The following DOCK9 variants were observed in gnomAD, a reference collection of about 807,000 sequenced individuals.
DOCK9 encodes dedicator of cytokinesis 9, also known as dedicator of cytokinesis protein 9.
In DOCK9, 89 loss-of-function variants were observed where a neutral mutation model predicts 263.3. The ratio of observed to expected loss-of-function variants is 0.34; its 90% confidence interval spans 0.28 to 0.40. The LOEUF (loss-of-function observed/expected upper bound fraction) is 0.40, where lower values mean the gene tolerates loss of function less well. Ranked by LOEUF, DOCK9 falls within the 10% of genes least tolerant of loss-of-function variation. The pLI is 1.00. For missense variants in DOCK9, 2,140 were observed against 2,603.4 expected (o/e 0.82, Z 3.87); for synonymous variants, 976 against 973.1 (o/e 1.00, Z -0.06).
At chr13:98,871,430 T>C (rs1005118452) in intron 27 of DOCK9, among the ~76,000 whole-genome samples, 7 of 152,270 alleles carry the variant, frequency 4.6e-5, no homozygotes, top group East Asian at 1.9e-4. Flanking sequence ...TGACAACTCA[T>C]GCCTGTGAAG....
chr13:98,864,852 T>G (rs2093975501), intron 30 of DOCK9, among the ~76,000 whole-genome samples: 1 of 152,112 alleles, frequency 6.6e-6, no homozygotes, highest in African/African-American at 2.4e-5. Context: ...GAGTGAGTTC[T>G]CGCTTTGAGT....
chr13:98,904,691 CTGCTTCTCT>C lies in DOCK9; in HGVS notation c.967_975del (p.Arg323_Ala325del), dbSNP rs1350709421. ...CTGCTTTCACTTTTCAGTTTGATTT[CTGCTTCTCT>C]TGCACTCTGATAACAAGATACATGA... On this transcript the variant is annotated inframe_deletion, in exon 10 of 53. Transcript: ENST00000682017. 6.4e-7 allele frequency: 1 copy of C among 1,555,504 alleles called. No individual in the cohort carries two copies. Among genetic ancestry groups the C allele is most frequent in the East Asian group, 2.4e-5 (1 of 41,880 alleles).
intron 1 of DOCK9, among the ~76,000 whole-genome samples, chr13:99,014,460 G>A (rs1446626813): frequency 1.3e-5 from 2 of 152,172 alleles, no homozygotes; most frequent in African/African-American, 4.8e-5. Flanking sequence ...CATATTGCGA[G>A]TGCTAACATA....
intron 1 of DOCK9, among the ~76,000 whole-genome samples, chr13:98,955,855 G>A (rs2057995866): frequency 6.6e-6 from 1 of 152,170 alleles, no homozygotes; most frequent in Non-Finnish European, 1.5e-5. Flanking sequence ...CAAGCTTTAG[G>A]GTGTGCCAGA....
intron 43 of DOCK9, among the ~76,000 whole-genome samples, chr13:98,827,826 G>A (rs1337490554): frequency 6.6e-6 from 1 of 152,200 alleles, no homozygotes; most frequent in Non-Finnish European, 1.5e-5. Flanking sequence ...AACCAGACAC[G>A]GCAAGGGCAA....
intron 2 of DOCK9, among the ~76,000 whole-genome samples, chr13:98,947,889 A>C (rs1306888314): frequency 6.6e-6 from 1 of 152,220 alleles, no homozygotes; most frequent in African/African-American, 2.4e-5. Flanking sequence ...TGTTCACAGA[A>C]AGTTACACTG....
Position 98,958,530 on chromosome 13 carries a change from C to G in DOCK9, c.127-2979G>C, listed in dbSNP as rs1450841921. 3.3e-5 allele frequency among the ~76,000 whole-genome samples: 5 copies of G among 152,366 alleles called. No individual in the cohort carries two copies. The South Asian group carries it at 1.0e-3, about 32-fold the overall frequency. On this transcript the variant is annotated intron_variant, in intron 1 of 52. Transcript: ENST00000682017. The stretch of plus-strand genomic sequence containing the variant: ...ACTTTGCCAGCCTTACAGTTTCTGT[C>G]ACAACTGGTAAACTCTGCCATTGCG...
intron 45 of DOCK9, 54 bp downstream of exon 45, chr13:98,824,344 G>A: frequency 6.5e-7 from 1 of 1,527,794 alleles, no homozygotes; most frequent in Non-Finnish European, 9.1e-7. Flanking sequence ...AATGCAAACA[G>A]CAGGCTCCCA....
intron 1 of DOCK9, among the ~76,000 whole-genome samples, chr13:98,961,353 G>T (rs957870650): frequency 1.3e-5 from 2 of 152,162 alleles, no homozygotes; most frequent in Non-Finnish European, 2.9e-5. Flanking sequence ...TTTCTGACAC[G>T]AGCCAGCTCC....
chr13:98,800,750 TTCCCCAC>T (rs2090023065), intron 49 of DOCK9, among the ~76,000 whole-genome samples: 1 of 152,184 alleles, frequency 6.6e-6, no homozygotes, highest in Admixed American at 6.5e-5. Context: ...GAGGTTATCA[TTCCCCAC>T]TCAAACCTTC....
intron 1 of DOCK9, among the ~76,000 whole-genome samples, chr13:99,060,866 C>T (rs2041156521): frequency 1.3e-5 from 2 of 152,298 alleles, no homozygotes; most frequent in South Asian, 4.1e-4. Context: ...ACAGCTCTAT[C>T]CTCAGGGTCT....
chr13:99,022,551 C>A (rs1265881939), intron 1 of DOCK9, among the ~76,000 whole-genome samples: 1 of 152,134 alleles, frequency 6.6e-6, no homozygotes, highest in Non-Finnish European at 1.5e-5. Flanking sequence ...GAGCAAGCGT[C>A]CAGGGAGGGA....
At chr13:98,853,836 T>C in intron 34 of DOCK9, among the ~76,000 whole-genome samples, 1 of 152,148 alleles carries the variant, frequency 6.6e-6, no homozygotes. Context: ...GCCAAGTATA[T>C]TGAAACCTCA....
intron 1 of DOCK9, among the ~76,000 whole-genome samples, chr13:98,976,020 G>A (rs1477296634): frequency 3.9e-5 from 6 of 152,196 alleles, no homozygotes; most frequent in South Asian, 2.1e-4. Flanking sequence ...ATCTGCCCTC[G>A]GCAAAGGCCC....
chr13:98,932,956 G>A (rs770067850), intron 2 of DOCK9, among the ~76,000 whole-genome samples: 1 of 152,144 alleles, frequency 6.6e-6, no homozygotes, highest in Non-Finnish European at 1.5e-5. Flanking sequence ...AAGCATGGAA[G>A]ACAGGCGCAA....
In DOCK9 at chr13:98,868,308, G is replaced by A. The variant is rs770184071; in HGVS notation, c.3013C>T (p.Pro1005Ser). 1.9e-6 allele frequency: 3 copies of A among 1,613,664 alleles called. No individual in the cohort carries two copies. Among genetic ancestry groups the A allele is most frequent in the African/African-American group, 1.3e-5 (1 of 74,906 alleles). ...TCTCGAAACTTCTGAGTGATGTGTGGCATCAGCATATTTACAACGGTTTCC... is the reference window on the plus strand; with the variant it reads ...TCTCGAAACTTCTGAGTGATGTGTGACATCAGCATATTTACAACGGTTTCC... ...AVETVVNMLM[P>S]HITQKFRDNP... The change falls in exon 28 of 53, where the codon CCA becomes TCA. Residue 1005 changes from proline to serine, a missense_variant. Transcript: ENST00000682017.
At chr13:99,086,267 G>A (rs1248280147) in exon 1 of DOCK9, 2 of 1,499,468 alleles carry the variant, frequency 1.3e-6, no homozygotes, top group East Asian at 2.8e-5. Flanking sequence ...CTCTGCCGCA[G>A]CTCGGCCGCC....
intron 35 of DOCK9, among the ~76,000 whole-genome samples, chr13:98,850,851 C>G (rs1199365078): frequency 2.0e-5 from 3 of 152,150 alleles, no homozygotes; most frequent in Admixed American, 1.3e-4. Context: ...CGTTTGAGTT[C>G]TATCATCTAA....
At chr13:98,811,792 G>C (rs1231785761) in intron 45 of DOCK9, among the ~76,000 whole-genome samples, 1 of 152,112 alleles carries the variant, frequency 6.6e-6, no homozygotes, top group African/African-American at 2.4e-5. Context: ...TTATTTCCTG[G>C]ATTATGCTTT....
Sources: allele counts gnomAD v4.1 joint callset (sites outside exome capture counted in the v4.1 genomes callset), GRCh38; gene constraint gnomAD v4.1.1; transcripts MANE v1.5; gene names NCBI Gene and HGNC (gene_info 2026-07-23, HGNC 2026-07-21).